Variants in TTC8 observed in about 807,000 individuals in gnomAD.
The protein encoded by TTC8 is tetratricopeptide repeat domain 8.
A neutral mutation model predicts 72.5 loss-of-function variants in TTC8; 47 were observed. The observed-to-expected ratio is 0.65, with a 90% CI of 0.51 to 0.83. The LOEUF is 0.83. Ranked by LOEUF, TTC8 falls within the 40% of genes least tolerant of loss-of-function variation. The pLI, the probability that TTC8 is intolerant of heterozygous loss-of-function variation, is 0.00. For missense variants in TTC8, 611 were observed against 623.2 expected (o/e 0.98, Z 0.21); for synonymous variants, 199 against 221.4 (o/e 0.90, Z 0.90).
rs115875556 is a variant in TTC8 at position 88,875,571 on chromosome 14, A to G, written c.1431+462A>G. ...GGGAAATAATACTGTGTTGCAAGTC[A>G]GTTAGTATCCGAAAGCTAAAGGGAA... On this transcript the variant is annotated intron_variant, in intron 14 of 14. Coordinates refer to ENST00000380656, the MANE Select transcript of TTC8 (RefSeq NM_144596.4). 9.0e-3 allele frequency among the ~76,000 whole-genome samples: 1,368 copies of G among 152,314 alleles called. 27 individuals carry two copies. Among genetic ancestry groups the G allele is most frequent in the African/African-American group, 0.031 (1,305 of 41,564 alleles).
At chr14:88,841,393 A>G in intron 5 of TTC8, 32 bp from the exon 6 acceptor site, 2 of 1,606,630 alleles carry the variant, frequency 1.2e-6, no homozygotes. Flanking sequence ...AGAAAGTTTC[A>G]GATCTCTTGG....
At chr14:88,855,930 C>A (rs1056018370) in intron 8 of TTC8, among the ~76,000 whole-genome samples, 1 of 152,086 alleles carries the variant, frequency 6.6e-6, no homozygotes, top group South Asian at 2.1e-4. Context: ...AAACAAAATA[C>A]AAAAGTTAGT....
chr14:88,826,894 G>A (rs1009245559), intron 1 of TTC8, among the ~76,000 whole-genome samples: 1 of 152,166 alleles, frequency 6.6e-6, no homozygotes. Flanking sequence ...GGAAATGTAT[G>A]TTCCTTCTTG....
intron 7 of TTC8, among the ~76,000 whole-genome samples, chr14:88,851,425 T>A (rs1446413611): frequency 2.0e-5 from 3 of 152,158 alleles, no homozygotes; most frequent in Non-Finnish European, 4.4e-5. Context: ...AAGCACTAAA[T>A]CTAACCTTGG....
chr14:88,869,015 G>T (rs1173181627), intron 10 of TTC8, among the ~76,000 whole-genome samples: 2 of 152,184 alleles, frequency 1.3e-5, no homozygotes, highest in Non-Finnish European at 2.9e-5. Context: ...AAAAAGCACT[G>T]CATGGTGCTT....
Position 88,872,332 on chromosome 14 carries a change from A to T in TTC8, c.1227A>T (p.Gly409=), listed in dbSNP as rs1292959835. ...VWYNLGHVAV[G]IGDTNLAHQC... is the part of the protein sequence containing the mutation. ...TGAACATAGGCTTTCTTTTGTAGGGAATAGGAGATACAAATTTGGCCCATC... is the reference window on the plus strand; with the variant it reads ...TGAACATAGGCTTTCTTTTGTAGGGTATAGGAGATACAAATTTGGCCCATC... The change falls in exon 13 of 15, where the codon GGA becomes GGT. Residue 409 remains glycine, a splice_region_variant and synonymous_variant. Coordinates refer to ENST00000380656, the MANE Select transcript of TTC8 (RefSeq NM_144596.4). 6.2e-7 allele frequency: 1 copy of T among 1,613,730 alleles called. No homozygotes were observed. The highest frequency in any genetic ancestry group is 1.1e-5 in the South Asian group (1 of 91,066).
downstream of TTC8, chr14:88,879,573 T>C (rs887151779): frequency 6.6e-6 from 1 of 151,968 alleles, no homozygotes; most frequent in Admixed American, 6.6e-5. Flanking sequence ...TGAGTGCTTT[T>C]TCCCAGGCTC....
At chr14:88,837,859 A>G (rs1391671739) in intron 2 of TTC8, among the ~76,000 whole-genome samples, 3 of 152,182 alleles carry the variant, frequency 2.0e-5, no homozygotes, top group Non-Finnish European at 4.4e-5. Context: ...CACAGTTCCA[A>G]TTGGAGTTCC....
intron 2 of TTC8, among the ~76,000 whole-genome samples, chr14:88,834,812 A>C (rs1476889142): frequency 6.6e-6 from 1 of 152,198 alleles, no homozygotes; most frequent in African/African-American, 2.4e-5. Context: ...TTAAAACATC[A>C]ATAATTTGCA....
chr14:88,824,347 C>T (rs545807847), upstream of TTC8: 32 of 274,964 alleles, frequency 1.2e-4, no homozygotes, highest in East Asian at 3.8e-4. Context: ...TCCGGACCTG[C>T]AGGGCAGGCA....
At chr14:88,826,771 A>G (rs535642384) in intron 1 of TTC8, among the ~76,000 whole-genome samples, 4 of 152,204 alleles carry the variant, frequency 2.6e-5, no homozygotes, top group African/African-American at 9.6e-5. Flanking sequence ...CAGGAACTTT[A>G]TGTGCCATTT....
At chr14:88,866,382 AACACACACAC>A (rs10553603) in intron 10 of TTC8, among the ~76,000 whole-genome samples, 117 of 146,668 alleles carry the variant, frequency 8.0e-4, no homozygotes, top group African/African-American at 2.6e-3. Context: ...GGGAGATTTA[AACACACACAC>A]ACACACACAC....
chr14:88,847,596 A>G (rs556668645), intron 7 of TTC8, among the ~76,000 whole-genome samples: 1 of 152,296 alleles, frequency 6.6e-6, no homozygotes, highest in East Asian at 1.9e-4. Flanking sequence ...TGGGGACTTT[A>G]TTTTAGATAT....
chr14:88,859,883 T>TTATATAA (rs890795245), intron 9 of TTC8, among the ~76,000 whole-genome samples: 2 of 119,274 alleles, frequency 1.7e-5, no homozygotes, highest in Non-Finnish European at 3.1e-5. Flanking sequence ...ATATTATATA[T>TTATATAA]TATATAATAT....
chr14:88,852,493 A>C (rs1043571743), intron 7 of TTC8, among the ~76,000 whole-genome samples: 3 of 152,172 alleles, frequency 2.0e-5, no homozygotes, highest in Non-Finnish European at 4.4e-5. Flanking sequence ...ACTCTTCTTC[A>C]TGATCCCATT....
Position 88,841,216 on chromosome 14 carries a change from C to T in TTC8, c.489+20C>T, listed in dbSNP as rs751674117. On this transcript the variant is annotated intron_variant, in intron 5 of 14. Coordinates refer to ENST00000380656, the MANE Select transcript of TTC8 (RefSeq NM_144596.4). Reference sequence around the variant, plus strand: ...GGAACGGTAAATTCTATCAGCTTTCCCATAGCCTTGTATTACTTTGGTATT... The same window carrying T: ...GGAACGGTAAATTCTATCAGCTTTCTCATAGCCTTGTATTACTTTGGTATT... 6.2e-7 allele frequency: 1 copy of T among 1,613,766 alleles called. No individual in the cohort carries two copies. Among genetic ancestry groups the T allele is most frequent in the South Asian group, 1.1e-5 (1 of 91,054 alleles).
intron 10 of TTC8, among the ~76,000 whole-genome samples, chr14:88,866,382 AAC>A (rs10553603): frequency 0.059 from 8,609 of 146,550 alleles, 588 homozygotes; most frequent in African/African-American, 0.16. Flanking sequence ...GGGAGATTTA[AAC>A]ACACACACAC....
chr14:88,866,162 CA>C (rs1566855211), intron 10 of TTC8, among the ~76,000 whole-genome samples: 1 of 151,660 alleles, frequency 6.6e-6, no homozygotes, highest in Non-Finnish European at 1.5e-5. Context: ...GACACAAAGT[CA>C]AAAAGCCATA....
chr14:88,847,622 GA>G (rs892672451), intron 7 of TTC8, among the ~76,000 whole-genome samples: 35 of 151,840 alleles, frequency 2.3e-4, no homozygotes, highest in Non-Finnish European at 3.4e-4. Flanking sequence ...CAATGAAGAA[GA>G]AAAAAAATTG....
Sources: allele counts gnomAD v4.1 joint callset (sites outside exome capture counted in the v4.1 genomes callset), GRCh38; gene constraint gnomAD v4.1.1; transcripts MANE v1.5; gene names NCBI Gene and HGNC (gene_info 2026-07-23, HGNC 2026-07-21).